PAPPA: variants seen among roughly 807,000 people sequenced by gnomAD.
The protein encoded by PAPPA is pappalysin-1.
Under a neutral mutation model 164.0 loss-of-function variants are expected in PAPPA, and 60 were observed. That is an observed-to-expected ratio of 0.37 (90% CI 0.30 to 0.45). The LOEUF (loss-of-function observed/expected upper bound fraction) is 0.45, where lower values mean the gene tolerates loss of function less well. Among genes scored for constraint, PAPPA ranks in the 20% least tolerant of loss-of-function variants. PAPPA has a pLI of 1.00. For missense variants in PAPPA, 1,782 were observed against 2,087.3 expected (o/e 0.85, Z 2.85); for synonymous variants, 875 against 814.1 (o/e 1.07, Z -1.27).
chr9:116,292,425 T>A (rs756466971), intron 9 of PAPPA, among the ~76,000 whole-genome samples: 5 of 152,134 alleles, frequency 3.3e-5, no homozygotes, highest in Non-Finnish European at 7.4e-5. Flanking sequence ...ATTAGATCTA[T>A]TTTAAATATC....
In PAPPA at chr9:116,303,109, A is replaced by G. The variant is rs370788158; in HGVS notation, c.3147+159A>G. On this transcript the variant is annotated intron_variant, in intron 10 of 21. Coordinates refer to ENST00000328252, the MANE Select transcript of PAPPA (RefSeq NM_002581.5). ...GGGCTTCATGAATACCATTTGTAAA[A>G]GATTAGATCTGGAATTGTTAGGGCA... is the stretch of plus-strand genomic sequence containing the variant. Among the ~76,000 whole-genome samples the G allele has an allele frequency of 2.0e-4, 30 of 152,356 alleles. 1 individual carries two copies. In the East Asian group the frequency reaches 4.6e-3, roughly 24 times the overall value.
intron 1 of PAPPA, among the ~76,000 whole-genome samples, chr9:116,178,960 C>G (rs1365093588): frequency 6.6e-6 from 1 of 152,158 alleles, no homozygotes; most frequent in Non-Finnish European, 1.5e-5. Flanking sequence ...GTTTGCCATC[C>G]CAAATGTACC....
chr9:116,221,238 A>AAGGGTCAT (rs1425648335), intron 5 of PAPPA, among the ~76,000 whole-genome samples: 7 of 152,184 alleles, frequency 4.6e-5, no homozygotes, highest in African/African-American at 1.7e-4. Flanking sequence ...CCAGATTTAA[A>AAGGGTCAT]AGGGTCATGA....
intron 7 of PAPPA, among the ~76,000 whole-genome samples, chr9:116,256,391 G>A (rs1203511837): frequency 2.0e-5 from 3 of 151,640 alleles, no homozygotes; most frequent in African/African-American, 7.3e-5. Flanking sequence ...GAAGAAAGGA[G>A]GAAAGGAATA....
At chr9:116,295,115 A>G (rs1050703095) in intron 9 of PAPPA, among the ~76,000 whole-genome samples, 1 of 152,166 alleles carries the variant, frequency 6.6e-6, no homozygotes, top group Non-Finnish European at 1.5e-5. Flanking sequence ...AATGGGCTGG[A>G]AGATTAGTAA....
chr9:116,274,710 G>C (rs765543933), intron 9 of PAPPA, among the ~76,000 whole-genome samples: 2 of 152,178 alleles, frequency 1.3e-5, no homozygotes. Context: ...TTCCTTCTTA[G>C]ACTTAGGAGA....
chr9:116,173,652 G>A (rs904359195), intron 1 of PAPPA, among the ~76,000 whole-genome samples: 4 of 152,182 alleles, frequency 2.6e-5, no homozygotes, highest in African/African-American at 7.2e-5. Flanking sequence ...TTCTCATCTC[G>A]AGAGTGACCT....
chr9:116,284,276 T>C (rs1343785134), intron 9 of PAPPA, among the ~76,000 whole-genome samples: 3 of 152,236 alleles, frequency 2.0e-5, no homozygotes, highest in Non-Finnish European at 4.4e-5. Flanking sequence ...AAGTCATGCA[T>C]GAGATTCTAT....
intron 4 of PAPPA, among the ~76,000 whole-genome samples, chr9:116,217,533 A>G (rs1287634386): frequency 6.6e-6 from 1 of 152,198 alleles, no homozygotes; most frequent in African/African-American, 2.4e-5. Context: ...AAGAGTATCT[A>G]TCTTTTGAAT....
chr9:116,383,953 A>C (rs1846768250), intron 21 of PAPPA, among the ~76,000 whole-genome samples: 1 of 152,140 alleles, frequency 6.6e-6, no homozygotes, highest in African/African-American at 2.4e-5. Context: ...AAAAGAATTC[A>C]CTTATTATCT....
rs1844425942 is a variant in PAPPA at position 116,220,143 on chromosome 9, G to A, written c.2111+14G>A. 3.1e-6 allele frequency: 5 copies of A among 1,592,620 alleles called. No individual in the cohort carries two copies. In the East Asian group the frequency reaches 6.7e-5, roughly 21 times the overall value. The stretch of plus-strand genomic sequence containing the variant: ...TTTCTTTGAAAGGTGAGTGTGCCCT[G>A]TGTAGTGTTGATCCCTCTCTCTCTC... On this transcript the variant is annotated intron_variant, in intron 5 of 21. Coordinates refer to ENST00000328252, the MANE Select transcript of PAPPA (RefSeq NM_002581.5).
chr9:116,234,471 C>T (rs1844635567), intron 6 of PAPPA, among the ~76,000 whole-genome samples: 1 of 152,066 alleles, frequency 6.6e-6, no homozygotes, highest in South Asian at 2.1e-4. Flanking sequence ...CAGTTTCCTC[C>T]CAGGTCCTCA....
At chr9:116,182,074 G>T (rs1843912593) in intron 1 of PAPPA, among the ~76,000 whole-genome samples, 1 of 152,178 alleles carries the variant, frequency 6.6e-6, no homozygotes, top group Admixed American at 6.5e-5. Flanking sequence ...CTGGGTGTGG[G>T]AATTCTATAG....
chr9:116,313,983 G>C (rs556513209), intron 10 of PAPPA, among the ~76,000 whole-genome samples: 2 of 149,212 alleles, frequency 1.3e-5, no homozygotes, highest in Non-Finnish European at 3.0e-5. Context: ...GGGATAGCAC[G>C]CTTAAAGCAC....
chr9:116,295,424 G>A (rs1845492853), intron 9 of PAPPA, among the ~76,000 whole-genome samples: 1 of 151,640 alleles, frequency 6.6e-6, no homozygotes, highest in Non-Finnish European at 1.5e-5. Context: ...TGTGGTGGCG[G>A]GTGCCTGTAA....
intron 9 of PAPPA, among the ~76,000 whole-genome samples, chr9:116,279,100 A>G (rs1227282041): frequency 6.6e-6 from 1 of 152,222 alleles, no homozygotes; most frequent in Non-Finnish European, 1.5e-5. Context: ...CTGTAAAATA[A>G]TGAGGGAATT....
intron 5 of PAPPA, among the ~76,000 whole-genome samples, chr9:116,222,280 C>T (rs563771890): frequency 2.6e-5 from 4 of 152,216 alleles, no homozygotes; most frequent in Admixed American, 1.3e-4. Flanking sequence ...CTCCAATTTA[C>T]GATAATTTGA....
intron 1 of PAPPA, among the ~76,000 whole-genome samples, chr9:116,159,090 G>T (rs1337040572): frequency 1.3e-5 from 2 of 152,220 alleles, no homozygotes; most frequent in Non-Finnish European, 2.9e-5. Context: ...CCCTGCATGA[G>T]ACCTGGCAGA....
At position 116,371,833 on chromosome 9, in the gene PAPPA, A is replaced by C. The variant is rs534471724; in HGVS notation, c.4605+4079A>C. On this transcript the variant is annotated intron_variant, in intron 19 of 21. Coordinates refer to ENST00000328252, the MANE Select transcript of PAPPA (RefSeq NM_002581.5). ...AATCTTCAGGGAGTCCTCCCTCCCC[A>C]GGCCAGGCAATTTCTCCAGCACCAA... 1.6e-4 allele frequency among the ~76,000 whole-genome samples: 25 copies of C among 152,288 alleles called. No individual in the cohort carries two copies. The East Asian group carries it at 4.4e-3, about 27-fold the overall frequency.
Sources: gnomAD v4.1 joint callset for allele counts (sites outside exome capture counted in the v4.1 genomes callset) on GRCh38, gnomAD v4.1.1 for gene constraint, MANE v1.5 for transcripts, NCBI Gene and HGNC (gene_info 2026-07-23, HGNC 2026-07-21) for gene names.